The following BIN1 variants were observed in gnomAD, a reference collection of about 807,000 sequenced individuals.
BIN1 encodes bridging integrator 1, also known as myc box-dependent-interacting protein 1.
A neutral mutation model predicts 82.0 loss-of-function variants in BIN1; 53 were observed. The ratio of observed to expected loss-of-function variants is 0.65; its 90% CI spans 0.52 to 0.81. The LOEUF (loss-of-function observed/expected upper bound fraction) is 0.81. Ranked by LOEUF, BIN1 falls within the 40% of genes least tolerant of loss-of-function variation. The pLI is 0.00. For synonymous variants in BIN1, 302 were observed against 328.0 expected (o/e 0.92, Z 0.86); for missense variants, 642 against 784.4 (o/e 0.82, Z 2.17).
In BIN1 at chr2:127,068,082, C is replaced by A; in HGVS notation, c.612+81G>T. The stretch of plus-strand genomic sequence containing the variant: ...GCCCCAGCTGGGCTCAGATGCCAGC[C>A]CTGCATTCCACCGCAGGGCGAGAGG... On this transcript the variant is annotated intron_variant, in intron 7 of 18. Coordinates refer to ENST00000316724, the MANE Select transcript of BIN1 (RefSeq NM_139343.3). This position sits in a 1 kb window ranked among gnomAD's most constrained non-coding sequence, Gnocchi z 4.9. 1 of 1,417,502 alleles carries A rather than the reference C, an allele frequency of 7.1e-7. No homozygotes were observed. The highest frequency in any genetic ancestry group is 9.8e-7 in the Non-Finnish European group (1 of 1,021,430). The allele number at this position is 1,417,502 out of a possible 1,614,324, so 87.8% of individuals were successfully genotyped here.
intron 1 of BIN1, among the ~76,000 whole-genome samples, chr2:127,086,869 C>T (rs778928663): frequency 2.0e-5 from 3 of 152,070 alleles, no homozygotes; most frequent in Admixed American, 1.3e-4. Flanking sequence ...CCCCACATGG[C>T]GATCCACCTT....
At chr2:127,060,988 G>T (rs1267025348) in intron 10 of BIN1, among the ~76,000 whole-genome samples, 1 of 152,136 alleles carries the variant, frequency 6.6e-6, no homozygotes, top group African/African-American at 2.4e-5. Flanking sequence ...TGCACAAGAG[G>T]CCTCTCTGCT....
At chr2:127,069,120 G>A (rs983711202) in intron 5 of BIN1, 89 bp from the exon 6 acceptor site, 18 of 1,274,112 alleles carry the variant, frequency 1.4e-5, no homozygotes, top group Admixed American at 1.1e-4. Flanking sequence ...CCCGCAGGGC[G>A]GGCAGGAGAC....
rs559548580 is a variant in BIN1 at position 127,059,919 on chromosome 2, C to T, written c.858-764G>A. ...ACGCCTAGAAAAGTGCTGCCCAGTA[C>T]GGTTGCCACTAGCCACAGGCGGCAA... On this transcript the variant is annotated intron_variant, in intron 10 of 18. Coordinates refer to ENST00000316724, the MANE Select transcript of BIN1 (RefSeq NM_139343.3). This position sits in a 1 kb window ranked among gnomAD's most constrained non-coding sequence, Gnocchi z 6.7. Among the ~76,000 whole-genome samples, 295 of 152,286 alleles carry T rather than the reference C, an allele frequency of 1.9e-3. 2 individuals carry two copies. The highest frequency in any genetic ancestry group is 6.6e-3 in the African/African-American group (274 of 41,556).
rs5834162 is a variant in BIN1 at position 127,067,068 on chromosome 2, CAA to C, written c.612+1093_612+1094del. On this transcript the variant is annotated intron_variant, in intron 7 of 18. Transcript: ENST00000316724. The surrounding 1 kb of genome is among the most constrained non-coding windows in gnomAD (Gnocchi z 4.7). Reference sequence around the variant, plus strand: ...CCAGGGGAACGGAGAGAAACCCGTTCAAAAAAAAAAAAAAAATAGAAAAAGAA... The same window carrying C: ...CCAGGGGAACGGAGAGAAACCCGTTCAAAAAAAAAAAAAATAGAAAAAGAA... 0.084 allele frequency among the ~76,000 whole-genome samples: 9,638 copies of C among 115,230 alleles called. 468 individuals carry two copies. Among genetic ancestry groups the C allele is most frequent in the East Asian group, 0.27 (1,005 of 3,698 alleles). The allele number at this position is 115,230 out of a possible 152,430, so 75.6% of individuals were successfully genotyped here.
rs773363570 is a variant in BIN1 at position 127,070,110 on chromosome 2, G to C, written c.316-20C>G. 2.1e-5 allele frequency: 33 copies of C among 1,609,258 alleles called. No individual in the cohort carries two copies. Among genetic ancestry groups the C allele is most frequent in the Non-Finnish European group, 2.7e-5 (32 of 1,176,622 alleles). ...GTTGTTCTGAGACAGGCAAGAGCACGACAGTGCCACCAGGAGGGCTGGGCC... is the reference window on the plus strand; with the variant it reads ...GTTGTTCTGAGACAGGCAAGAGCACCACAGTGCCACCAGGAGGGCTGGGCC... On this transcript the variant is annotated intron_variant, in intron 4 of 18. Coordinates refer to ENST00000316724, the MANE Select transcript of BIN1 (RefSeq NM_139343.3).
intron 2 of BIN1, 79 bp from the exon 3 acceptor site, chr2:127,070,895 A>C: frequency 7.1e-7 from 1 of 1,407,380 alleles, no homozygotes; most frequent in Non-Finnish European, 9.8e-7. Flanking sequence ...TGCCACCCTC[A>C]CGTGAATGAA....
chr2:127,069,897 A>G, intron 5 of BIN1, 98 bp downstream of exon 5: 1 of 1,302,606 alleles, frequency 7.7e-7, no homozygotes, highest in East Asian at 2.5e-5. Flanking sequence ...TGCCTCCAGG[A>G]CAGCCTCCTC....
Position 127,068,280 on chromosome 2 carries a change from G to A in BIN1, c.520-25C>T, listed in dbSNP as rs370802283. Reference sequence around the variant, plus strand: ...GCTGGGGTGGGGAGGTCAAGGCAAAGGAAGGTGGAGAGACCAGGGAGGTGG... The same window carrying A: ...GCTGGGGTGGGGAGGTCAAGGCAAAAGAAGGTGGAGAGACCAGGGAGGTGG... On this transcript the variant is annotated intron_variant, in intron 6 of 18. Transcript: ENST00000316724. This position sits in a 1 kb window ranked among gnomAD's most constrained non-coding sequence, Gnocchi z 4.9. The A allele has an allele frequency of 4.2e-5, 67 of 1,589,334 alleles. No homozygotes were observed. In the African/African-American group the frequency reaches 7.2e-4, roughly 17 times the overall value.
At chr2:127,099,350 A>G (rs946537931) in intron 1 of BIN1, among the ~76,000 whole-genome samples, 12 of 149,408 alleles carry the variant, frequency 8.0e-5, no homozygotes, top group South Asian at 4.3e-4. Context: ...CCCAGGGTGC[A>G]TGTGTGTGTG....
chr2:127,099,843 G>A (rs980716713), intron 1 of BIN1, among the ~76,000 whole-genome samples: 7 of 146,658 alleles, frequency 4.8e-5, no homozygotes, highest in African/African-American at 7.7e-5. Flanking sequence ...TCGCTCTGTC[G>A]CCCAGGCCGG....
In BIN1 at chr2:127,068,273, A is replaced by T; in HGVS notation, c.520-18T>A. On this transcript the variant is annotated intron_variant, in intron 6 of 18. Transcript: ENST00000316724. This position sits in a 1 kb window ranked among gnomAD's most constrained non-coding sequence, Gnocchi z 4.9. The stretch of plus-strand genomic sequence containing the variant: ...GAGACAGGCTGGGGTGGGGAGGTCA[A>T]GGCAAAGGAAGGTGGAGAGACCAGG... The T allele has an allele frequency of 6.2e-7, 1 of 1,600,670 alleles. No homozygotes were observed. Among genetic ancestry groups the T allele is most frequent in the Non-Finnish European group, 8.5e-7 (1 of 1,173,036 alleles).
chr2:127,088,793 G>A (rs1361349317), intron 1 of BIN1, among the ~76,000 whole-genome samples: 1 of 151,950 alleles, frequency 6.6e-6, no homozygotes, highest in African/African-American at 2.4e-5. Context: ...GGGAGAGGGC[G>A]GCTGCTCTTA....
chr2:127,050,951 G>T, intron 16 of BIN1, 39 bp from the exon 17 acceptor site: 1 of 1,599,558 alleles, frequency 6.3e-7, no homozygotes, highest in Non-Finnish European at 8.6e-7. Context: ...CAGGGAGGTG[G>T]TCCAGGGACA....
chr2:127,082,703 C>T lies in BIN1; in HGVS notation c.85-5997G>A, dbSNP rs1354542809. On this transcript the variant is annotated intron_variant, in intron 1 of 18. Coordinates refer to ENST00000316724, the MANE Select transcript of BIN1 (RefSeq NM_139343.3). The surrounding 1 kb of genome is among the most constrained non-coding windows in gnomAD (Gnocchi z 6.1). Reference sequence around the variant, plus strand: ...CACACAACCCCTCCTCCAAGCCCATCTCTCAAATGCGAGCTGTCCCTGCAA... The same window carrying T: ...CACACAACCCCTCCTCCAAGCCCATTTCTCAAATGCGAGCTGTCCCTGCAA... 6.6e-6 allele frequency among the ~76,000 whole-genome samples: 1 copy of T among 152,206 alleles called. No homozygotes were observed. The highest frequency in any genetic ancestry group is 1.5e-5 in the Non-Finnish European group (1 of 68,038).
rs1159336011 is a variant in BIN1 at position 127,100,338 on chromosome 2, G to A, written c.84+6522C>T. On this transcript the variant is annotated intron_variant, in intron 1 of 18. Coordinates refer to ENST00000316724, the MANE Select transcript of BIN1 (RefSeq NM_139343.3). Reference sequence around the variant, plus strand: ...GACAGGGGCCCCAAGTCTTGGGAGGGTCTTGGGGACCAAAGTCTGTCACAA... The same window carrying A: ...GACAGGGGCCCCAAGTCTTGGGAGGATCTTGGGGACCAAAGTCTGTCACAA... Among the ~76,000 whole-genome samples, 3 of 152,202 alleles carry A rather than the reference G, an allele frequency of 2.0e-5. No homozygotes were observed. In the South Asian group the frequency reaches 6.2e-4, roughly 32 times the overall value.
At chr2:127,055,885 C>T (rs1302625240) in intron 12 of BIN1, 4 of 151,876 alleles carry the variant, frequency 2.6e-5, no homozygotes, top group African/African-American at 9.7e-5. Context: ...ACCCAAAGGT[C>T]ATGGCTCCCC....
intron 2 of BIN1, among the ~76,000 whole-genome samples, chr2:127,074,309 C>T (rs1049456646): frequency 6.6e-6 from 1 of 152,156 alleles, no homozygotes; most frequent in East Asian, 1.9e-4. Context: ...ACACACCAAT[C>T]AAATCCAGAA....
In BIN1 at chr2:127,070,785, C is replaced by A. The variant is rs1685787289; in HGVS notation, c.197G>T (p.Arg66Leu). 6.2e-7 allele frequency: 1 copy of A among 1,613,264 alleles called. No individual in the cohort carries two copies. Among genetic ancestry groups the A allele is most frequent in the East Asian group, 2.2e-5 (1 of 44,838 alleles). The change falls in exon 3 of 19, where the codon CGG (arginine) becomes CTG (leucine). Residue 66 changes from arginine to leucine, a missense_variant. Coordinates refer to ENST00000316724, the MANE Select transcript of BIN1 (RefSeq NM_139343.3). ...ACCTTTGACGGAGGCCAGGTAGGTC[C>A]GGAGATCCTTCTGCAGCCGGGTGCC... ...TEGTRLQKDL[R>L]TYLASVKAMH...
Sources: gnomAD v4.1 joint callset for allele counts (sites outside exome capture counted in the v4.1 genomes callset) on GRCh38, gnomAD v4.1.1 for gene constraint, Gnocchi (gnomAD v3.1) non-coding constraint, MANE v1.5 for transcripts, NCBI Gene and HGNC (gene_info 2026-07-23, HGNC 2026-07-21) for gene names.